The following CDCP1 variants were observed in gnomAD, a reference collection of about 807,000 sequenced individuals.
CDCP1 encodes CUB domain containing protein 1.
CDCP1 carries 29 observed loss-of-function variants against 60.2 expected under a neutral mutation model. That is an observed-to-expected ratio of 0.48 (90% CI 0.36 to 0.66). The LOEUF is 0.66. Among genes scored for constraint, CDCP1 ranks in the 30% least tolerant of loss-of-function variants. The pLI is 0.00. For synonymous variants in CDCP1, 387 were observed against 431.1 expected, an observed-to-expected ratio of 0.90 and a Z score of 1.27; for missense variants, 876 against 1,074.3, an observed-to-expected ratio of 0.82 and a Z score of 2.58.
intron 6 of CDCP1, among the ~76,000 whole-genome samples, chr3:45,092,656 A>G (rs1698315969): frequency 6.6e-6 from 1 of 152,212 alleles, no homozygotes; most frequent in Non-Finnish European, 1.5e-5. Context: ...AATGGCCTCT[A>G]ACTTAATGTT....
intron 4 of CDCP1, among the ~76,000 whole-genome samples, chr3:45,101,847 T>A (rs980319655): frequency 6.8e-6 from 1 of 147,252 alleles, no homozygotes; most frequent in African/African-American, 2.5e-5. Flanking sequence ...GATCGCACCA[T>A]TGCACTCCAG....
chr3:45,093,249 G>A (rs182268305), intron 6 of CDCP1, 28 bp downstream of exon 6: 1 of 1,598,608 alleles, frequency 6.3e-7, no homozygotes, highest in East Asian at 2.2e-5. Flanking sequence ...AACTAAAGGG[G>A]CATGGAGATA....
intron 1 of CDCP1, among the ~76,000 whole-genome samples, chr3:45,142,507 C>T (rs1699307699): frequency 1.3e-5 from 2 of 152,164 alleles, no homozygotes; most frequent in Non-Finnish European, 2.9e-5. Flanking sequence ...ATGCTTCTTC[C>T]ATAGATGCTG....
At chr3:45,100,172 C>T (rs928149141) in intron 4 of CDCP1, among the ~76,000 whole-genome samples, 1 of 152,152 alleles carries the variant, frequency 6.6e-6, no homozygotes, top group East Asian at 1.9e-4. Flanking sequence ...TGGTCAGATG[C>T]CCCCAGAGAA....
chr3:45,093,485 C>G lies in CDCP1; in HGVS notation c.1419G>C (p.Glu473Asp), dbSNP rs915614611. 6.2e-7 allele frequency: 1 copy of G among 1,613,986 alleles called. No individual in the cohort carries two copies. Among genetic ancestry groups the G allele is most frequent in the Non-Finnish European group, 8.5e-7 (1 of 1,179,948 alleles). Residue 473 changes from glutamate (E) to aspartate (D), a missense_variant, in exon 6 of 9, where the codon GAG becomes GAC. Physicochemically the swap from Glu to Asp is conservative, Grantham distance 45. Around this residue, in one of 2 missense-constraint regions of CDCP1, gnomAD observed 726 missense variants for 935.7 expected, o/e 0.78. Transcript: ENST00000296129. ...PAQKLQQHTH[E>D]KPCNTSFSYL... Reference sequence around the variant, plus strand: ...AGCTGAAGCTGGTGTTGCAGGGCTTCTCGTGTGTATGCTGCTGCAGCTTCT... The same window carrying G: ...AGCTGAAGCTGGTGTTGCAGGGCTTGTCGTGTGTATGCTGCTGCAGCTTCT...
chr3:45,096,618 C>T (rs1445950462), intron 4 of CDCP1, among the ~76,000 whole-genome samples: 9 of 39,820 alleles, frequency 2.3e-4, no homozygotes, highest in Admixed American at 5.1e-4. Flanking sequence ...AGCAAGACTC[C>T]GTCTCAAAAA....
intron 2 of CDCP1, among the ~76,000 whole-genome samples, chr3:45,117,269 C>G (rs1304952256): frequency 6.6e-6 from 1 of 152,080 alleles, no homozygotes. Flanking sequence ...ATTATTATTT[C>G]CTATGTCAAT....
intron 4 of CDCP1, among the ~76,000 whole-genome samples, chr3:45,103,315 C>T (rs191100068): frequency 3.3e-5 from 5 of 152,236 alleles, no homozygotes; most frequent in East Asian, 1.9e-4. Flanking sequence ...GGGTATCAGT[C>T]GTTCTTTCCC....
chr3:45,134,201 T>C (rs1699154106), intron 1 of CDCP1, among the ~76,000 whole-genome samples: 1 of 152,034 alleles, frequency 6.6e-6, no homozygotes, highest in Non-Finnish European at 1.5e-5. Context: ...CTATGCTCAC[T>C]GCAAGCTCCG....
intron 8 of CDCP1, 77 bp downstream of exon 8, chr3:45,088,977 A>G (rs1553706891): frequency 8.5e-7 from 1 of 1,171,426 alleles, no homozygotes; most frequent in Non-Finnish European, 1.3e-6. Flanking sequence ...AACAAAGTCA[A>G]TAATGAACAA....
chr3:45,107,060 C>T (rs1036164051), intron 4 of CDCP1, among the ~76,000 whole-genome samples: 1 of 152,188 alleles, frequency 6.6e-6, no homozygotes, highest in African/African-American at 2.4e-5. Context: ...CTTAGTATTC[C>T]TACCAGCTGC....
intron 4 of CDCP1, among the ~76,000 whole-genome samples, chr3:45,104,417 T>C (rs1698528762): frequency 6.6e-6 from 1 of 152,246 alleles, no homozygotes; most frequent in African/African-American, 2.4e-5. Flanking sequence ...ACAGAATGTT[T>C]TCATATGTGG....
chr3:45,090,462 T>C (rs1029570971), intron 7 of CDCP1, among the ~76,000 whole-genome samples: 1 of 152,222 alleles, frequency 6.6e-6, no homozygotes, highest in Non-Finnish European at 1.5e-5. Flanking sequence ...CAAAAAACCA[T>C]GTACCTGTCA....
chr3:45,112,750 C>T (rs1329051187), intron 2 of CDCP1, among the ~76,000 whole-genome samples: 1 of 152,222 alleles, frequency 6.6e-6, no homozygotes, highest in African/African-American at 2.4e-5. Flanking sequence ...ATAATGGCCT[C>T]CTGCAGGAAT....
chr3:45,128,503 T>C (rs1358142237), intron 1 of CDCP1, among the ~76,000 whole-genome samples: 1 of 152,220 alleles, frequency 6.6e-6, no homozygotes, highest in Non-Finnish European at 1.5e-5. Flanking sequence ...TAAAATAGTC[T>C]ACTATTTCCA....
intron 1 of CDCP1, among the ~76,000 whole-genome samples, chr3:45,124,459 C>A (rs1452270647): frequency 6.6e-6 from 1 of 152,130 alleles, no homozygotes; most frequent in Non-Finnish European, 1.5e-5. Context: ...TCAGCCTAGG[C>A]ACCAGGAGAT....
At chr3:45,139,263 C>T (rs1699242130) in intron 1 of CDCP1, 1 of 152,190 alleles carries the variant, frequency 6.6e-6, no homozygotes, top group South Asian at 2.1e-4. Context: ...TGTTCTAGGC[C>T]AGACTAGTGC....
rs1430139342 is a variant in CDCP1, at chr3:45,112,074, C to T, written c.655+9G>A. The T allele has an allele frequency of 1.2e-6, 2 of 1,609,690 alleles. No homozygotes were observed. Among genetic ancestry groups the T allele is most frequent in the South Asian group, 1.1e-5 (1 of 91,006 alleles). ...AACCTAATCAGATAGCAGGGAGGGG[C>T]TTTCTCACGTTTTATAGATGAGCGG... On this transcript the variant is annotated intron_variant, in intron 3 of 8. Coordinates refer to ENST00000296129, the MANE Select transcript of CDCP1 (RefSeq NM_022842.5).
At chr3:45,140,767 T>C (rs1354985200) in intron 1 of CDCP1, among the ~76,000 whole-genome samples, 2 of 152,246 alleles carry the variant, frequency 1.3e-5, no homozygotes, top group Admixed American at 6.5e-5. Flanking sequence ...CTGTAGAACT[T>C]ATGTTTCATC....
Sources: allele counts gnomAD v4.1 joint callset (sites outside exome capture counted in the v4.1 genomes callset), GRCh38; gene constraint gnomAD v4.1.1; regional missense constraint gnomAD v4.1.1; transcripts MANE v1.5; gene names NCBI Gene and HGNC (gene_info 2026-07-23, HGNC 2026-07-21).